Variants in ABI3BP observed in about 807,000 individuals in gnomAD.
The protein encoded by ABI3BP is target of Nesh-SH3.
Under a neutral mutation model 268.6 loss-of-function variants are expected in ABI3BP, and 216 were observed. That is an observed-to-expected ratio of 0.80 (90% CI 0.72 to 0.90). ABI3BP has a LOEUF of 0.90. Among genes scored for constraint, ABI3BP ranks in the 40% least tolerant of loss-of-function variants. ABI3BP has a pLI of 0.00. For synonymous variants in ABI3BP, 730 were observed against 730.0 expected (o/e 1.00, Z 0.00); for missense variants, 2,090 against 2,182.4 (o/e 0.96, Z 0.84).
At chr3:100,911,470 A>G (rs2056435406) in intron 2 of ABI3BP, 1 of 394,730 alleles carries the variant, frequency 2.5e-6, no homozygotes, top group Non-Finnish European at 4.7e-6. Flanking sequence ...TTACTAGTTT[A>G]TTTATTGCTT....
chr3:100,751,773 TTC>T, intron 66 of ABI3BP, 99 bp from the exon 67 acceptor site: 1 of 1,249,712 alleles, frequency 8.0e-7, no homozygotes, highest in East Asian at 2.6e-5. Flanking sequence ...TCTCCCCTCA[TTC>T]TCTATTACCC....
At chr3:100,935,638 T>C (rs1332467486) in intron 1 of ABI3BP, among the ~76,000 whole-genome samples, 1 of 152,170 alleles carries the variant, frequency 6.6e-6, no homozygotes, top group Admixed American at 6.5e-5. Context: ...TTTGTTTGTG[T>C]CCTCTCTTAC....
intron 63 of ABI3BP, among the ~76,000 whole-genome samples, chr3:100,757,013 GAAAAT>G (rs1360506362): frequency 1.3e-5 from 2 of 151,822 alleles, no homozygotes; most frequent in Non-Finnish European, 2.9e-5. Context: ...ATTGTACATA[GAAAAT>G]AAAATTTAAA....
chr3:100,831,971 G>A (rs1228092740), intron 31 of ABI3BP, among the ~76,000 whole-genome samples: 2 of 152,114 alleles, frequency 1.3e-5, no homozygotes, highest in African/African-American at 4.8e-5. Context: ...GAATTAGAAG[G>A]GACTTAATAA....
At chr3:100,942,321 G>A (rs749324661) in intron 1 of ABI3BP, among the ~76,000 whole-genome samples, 13 of 152,010 alleles carry the variant, frequency 8.6e-5, no homozygotes, top group South Asian at 4.1e-4. Context: ...TATAGAAAAC[G>A]TCCCTTTAGT....
intron 1 of ABI3BP, among the ~76,000 whole-genome samples, chr3:100,942,962 A>G (rs1393217933): frequency 6.6e-6 from 1 of 152,072 alleles, no homozygotes; most frequent in Non-Finnish European, 1.5e-5. Flanking sequence ...CTATCATGAG[A>G]CTTTTACACA....
At chr3:100,959,689 T>C (rs1211432052) in intron 1 of ABI3BP, among the ~76,000 whole-genome samples, 2 of 151,988 alleles carry the variant, frequency 1.3e-5, no homozygotes, top group African/African-American at 2.4e-5. Flanking sequence ...GAGGGTAGGA[T>C]AGAACAGACA....
At chr3:100,903,762 C>G (rs2051709618) in intron 2 of ABI3BP, among the ~76,000 whole-genome samples, 1 of 152,194 alleles carries the variant, frequency 6.6e-6, no homozygotes, top group Admixed American at 6.5e-5. Flanking sequence ...CTCTTAGTAA[C>G]TTGTGCCTTT....
intron 2 of ABI3BP, 25 bp downstream of exon 2, chr3:100,926,277 C>T (rs746436529): frequency 1.3e-4 from 202 of 1,610,510 alleles, no homozygotes; most frequent in Non-Finnish European, 1.6e-4. Context: ...CCTTTCCTTC[C>T]CAGCCCGATA....
intron 5 of ABI3BP, among the ~76,000 whole-genome samples, chr3:100,885,838 G>T (rs2041735710): frequency 6.6e-6 from 1 of 151,988 alleles, no homozygotes; most frequent in Non-Finnish European, 1.5e-5. Context: ...ATTGGTACAT[G>T]TTATTGTTTT....
intron 4 of ABI3BP, among the ~76,000 whole-genome samples, chr3:100,895,837 A>T (rs2047418704): frequency 6.6e-6 from 1 of 152,202 alleles, no homozygotes; most frequent in South Asian, 2.1e-4. Context: ...TTCTAATTAC[A>T]CTAATTTGTA....
chr3:100,848,894 T>G lies in ABI3BP; in HGVS notation c.1502-19A>C. 1 of 1,604,590 alleles carries G rather than the reference T, an allele frequency of 6.2e-7. No individual in the cohort carries two copies. The highest frequency in any genetic ancestry group is 1.3e-5 in the African/African-American group (1 of 74,750). ...TGGGGAGCTGAAAGAAGATTTAATA[T>G]AGCTTTGATAAATGATATTTTTCAG... On this transcript the variant is annotated intron_variant, in intron 17 of 67. Coordinates refer to ENST00000471714, the MANE Select transcript of ABI3BP (RefSeq NM_001375547.2).
At chr3:100,962,310 C>G (rs962567951) in intron 1 of ABI3BP, among the ~76,000 whole-genome samples, 4 of 152,202 alleles carry the variant, frequency 2.6e-5, no homozygotes, top group Admixed American at 6.5e-5. Context: ...CAGGAATTGT[C>G]TGTCCCTTTA....
At chr3:100,844,398 T>C in intron 20 of ABI3BP, 1 of 985,384 alleles carries the variant, frequency 1.0e-6, no homozygotes, top group Non-Finnish European at 1.2e-6. Flanking sequence ...TGCGCTGAAT[T>C]GTACTTATAA....
intron 57 of ABI3BP, among the ~76,000 whole-genome samples, chr3:100,782,450 C>A (rs2096897045): frequency 6.6e-6 from 1 of 152,012 alleles, no homozygotes; most frequent in Admixed American, 6.6e-5. Context: ...GTTCCCAAAT[C>A]AAATAGAGAA....
chr3:100,843,044 C>T (rs910994157), intron 20 of ABI3BP, among the ~76,000 whole-genome samples: 16 of 152,134 alleles, frequency 1.1e-4, no homozygotes, highest in African/African-American at 3.1e-4. Flanking sequence ...TTTGAGAATA[C>T]GTAGCGACTA....
intron 1 of ABI3BP, among the ~76,000 whole-genome samples, chr3:100,957,808 A>G (rs1168593307): frequency 6.6e-6 from 1 of 152,216 alleles, no homozygotes; most frequent in African/African-American, 2.4e-5. Flanking sequence ...ATGCAGGGAA[A>G]TTGTGAGGTA....
intron 31 of ABI3BP, among the ~76,000 whole-genome samples, chr3:100,831,338 G>C (rs983422835): frequency 6.6e-6 from 1 of 152,096 alleles, no homozygotes; most frequent in African/African-American, 2.4e-5. Context: ...TTAACTCCAG[G>C]AGCAGGGAAT....
chr3:100,813,331 A>G (rs1477096865), intron 45 of ABI3BP, among the ~76,000 whole-genome samples: 1 of 152,194 alleles, frequency 6.6e-6, no homozygotes, highest in Non-Finnish European at 1.5e-5. Context: ...TTACTATTAA[A>G]GAGAGCCACA....
Sources: allele counts gnomAD v4.1 joint callset (sites outside exome capture counted in the v4.1 genomes callset), GRCh38; gene constraint gnomAD v4.1.1; transcripts MANE v1.5; gene names NCBI Gene and HGNC (gene_info 2026-07-23, HGNC 2026-07-21).